Variants in SMYD1 observed in about 807,000 individuals in gnomAD.
SMYD1 encodes histone-lysine N-methyltransferase SMYD1.
SMYD1 carries 49 observed loss-of-function variants against 54.0 expected under a neutral mutation model. The observed-to-expected ratio is 0.91, with a 90% CI of 0.72 to 1.15. The LOEUF (loss-of-function observed/expected upper bound fraction) is 1.15. Ranked by LOEUF, SMYD1 falls within the 50% of genes most tolerant of loss-of-function variation. The pLI is 0.00. For synonymous variants in SMYD1, 269 were observed against 234.2 expected (o/e 1.15, Z -1.36); for missense variants, 653 against 639.6 (o/e 1.02, Z -0.23).
chr2:88,072,908 G>C (rs1673980364), intron 1 of SMYD1, among the ~76,000 whole-genome samples: 1 of 152,052 alleles, frequency 6.6e-6, no homozygotes, highest in Non-Finnish European at 1.5e-5. Flanking sequence ...CCATATATTA[G>C]TTTTTATTTT....
intron 5 of SMYD1, among the ~76,000 whole-genome samples, chr2:88,095,903 C>T (rs1378752221): frequency 3.9e-5 from 6 of 152,188 alleles, no homozygotes; most frequent in Non-Finnish European, 8.8e-5. Flanking sequence ...AATTGAGGGT[C>T]AGGTCTAGGC....
intron 6 of SMYD1, among the ~76,000 whole-genome samples, chr2:88,101,196 C>T (rs1248231209): frequency 1.3e-5 from 2 of 152,182 alleles, no homozygotes; most frequent in Non-Finnish European, 2.9e-5. Context: ...AACAAAAGCC[C>T]ATTCTCTTGT....
rs80286567 is a variant in SMYD1, at chr2:88,070,198, G to A, written c.137+2197G>A. The stretch of plus-strand genomic sequence containing the variant: ...AGCTGTGCTTTCTTTGGTTATACCA[G>A]AGACAGCCCAAAGAGGCATTAAAGG... On this transcript the variant is annotated intron_variant, in intron 1 of 9. Transcript: ENST00000419482. Among the ~76,000 whole-genome samples, 471 of 152,192 alleles carry A rather than the reference G, an allele frequency of 3.1e-3. 18 individuals carry two copies. In the East Asian group the frequency reaches 0.087, roughly 28 times the overall value.
At chr2:88,106,782 C>A (rs574310135) in intron 8 of SMYD1, among the ~76,000 whole-genome samples, 1 of 152,312 alleles carries the variant, frequency 6.6e-6, no homozygotes, top group African/African-American at 2.4e-5. Context: ...TTCAGGCTAA[C>A]CCCAGCTTGA....
chr2:88,088,902 C>T (rs1290916107), intron 3 of SMYD1, among the ~76,000 whole-genome samples: 4 of 152,150 alleles, frequency 2.6e-5, no homozygotes, highest in Admixed American at 2.6e-4. Context: ...GGCTCAGGTC[C>T]TGGCTGTGGG....
chr2:88,079,357 G>T (rs947176117), intron 1 of SMYD1, among the ~76,000 whole-genome samples: 2 of 152,168 alleles, frequency 1.3e-5, no homozygotes, highest in Admixed American at 6.5e-5. Flanking sequence ...GGCCCTATTA[G>T]AAGTGTATTA....
Position 88,111,645 on chromosome 2 carries a change from C to T in SMYD1, c.*1133C>T, listed in dbSNP as rs1675024410. On this transcript the variant is annotated 3_prime_UTR_variant, in exon 10 of 10. Transcript: ENST00000419482. ...ACATTTGAATCTGGATTCTTGTACA[C>T]CTGGGTTAGACCCTGTTCAGAGGTG... The T allele has an allele frequency of 6.3e-6, 1 of 159,880 alleles. No homozygotes were observed. Among genetic ancestry groups the T allele is most frequent in the African/African-American group, 2.4e-5 (1 of 41,686 alleles). 9.9% of individuals were successfully genotyped at this position (159,880 alleles called of 1,614,324 possible).
Position 88,084,429 on chromosome 2 carries a change from T to C in SMYD1, c.251T>C (p.Leu84Pro). 1 of 1,607,966 alleles carries C rather than the reference T, an allele frequency of 6.2e-7. No individual in the cohort carries two copies. Among genetic ancestry groups the C allele is most frequent in the Non-Finnish European group, 8.5e-7 (1 of 1,175,032 alleles). ...CGCACCTGCCAGAAGGATGCTTGGC[T>C]GAACCACAAGAATGAATGTTCGGCC... is the stretch of plus-strand genomic sequence containing the variant. ...CDRTCQKDAW[L>P]NHKNECSAIK... Residue 84 changes from leucine to proline, a missense_variant, in exon 2 of 10, where the codon CTG (leucine) becomes CCG (proline). Transcript: ENST00000419482.
intron 6 of SMYD1, among the ~76,000 whole-genome samples, chr2:88,100,953 C>T (rs1203574354): frequency 6.6e-6 from 1 of 152,110 alleles, no homozygotes; most frequent in African/African-American, 2.4e-5. Flanking sequence ...GATATGGAAA[C>T]AAGGATAGCC....
chr2:88,078,758 C>A (rs558296959), intron 1 of SMYD1, among the ~76,000 whole-genome samples: 138 of 152,322 alleles, frequency 9.1e-4, no homozygotes, highest in African/African-American at 2.9e-3. Flanking sequence ...GTTGTGTGTG[C>A]ACACTGAAGT....
chr2:88,085,475 T>C (rs1203240605), intron 2 of SMYD1, among the ~76,000 whole-genome samples: 1 of 152,214 alleles, frequency 6.6e-6, no homozygotes, highest in African/African-American at 2.4e-5. Context: ...GCATTTTCAC[T>C]GTGTGCATAG....
Position 88,110,363 on chromosome 2 carries a change from G to T in SMYD1, c.1324G>T (p.Val442Leu), listed in dbSNP as rs765023866. 36 of 1,611,946 alleles carry T rather than the reference G, an allele frequency of 2.2e-5. No individual in the cohort carries two copies. The highest frequency in any genetic ancestry group is 4.0e-5 in the African/African-American group (3 of 74,908). Residue 442 changes from valine to leucine, a missense_variant, in exon 10 of 10, where the codon GTG (valine) becomes TTG (leucine). By Grantham distance (32) the Val-to-Leu change is conservative. Coordinates refer to ENST00000419482, the MANE Select transcript of SMYD1 (RefSeq NM_198274.4). ...TATCTGTGTCCCACAGGCCATGCGG[G>T]TGCAGACGGAGATGGAGCTACGCAT... ...PITKDLEAMR[V>L]QTEMELRMFR...
At position 88,099,146 on chromosome 2, in the gene SMYD1, G is replaced by A. The variant is rs111440941; in HGVS notation, c.888+2362G>A. 2.5e-3 allele frequency among the ~76,000 whole-genome samples: 383 copies of A among 152,142 alleles called. 1 individual carries two copies. Among genetic ancestry groups the A allele is most frequent in the African/African-American group, 8.8e-3 (364 of 41,508 alleles). On this transcript the variant is annotated intron_variant, in intron 6 of 9. Coordinates refer to ENST00000419482, the MANE Select transcript of SMYD1 (RefSeq NM_198274.4). ...CTGTCACCCAGGCTGGAGTGCAGTGGTGTGATCTCAGCTCACTGCAGCCTC... is the reference window on the plus strand; with the variant it reads ...CTGTCACCCAGGCTGGAGTGCAGTGATGTGATCTCAGCTCACTGCAGCCTC...
At chr2:88,110,198 T>TGAGA (rs200741830) in intron 9 of SMYD1, among the ~76,000 whole-genome samples, 156 bp from the exon 10 acceptor site, 11 of 142,716 alleles carry the variant, frequency 7.7e-5, no homozygotes, top group South Asian at 2.4e-4. Context: ...CCTTGATGAA[T>TGAGA]GAGTGTGTGT....
intron 1 of SMYD1, among the ~76,000 whole-genome samples, chr2:88,069,427 A>T (rs1673899903): frequency 6.6e-6 from 1 of 152,186 alleles, no homozygotes; most frequent in South Asian, 2.1e-4. Flanking sequence ...TATTTCATTA[A>T]TCTGTGTGTG....
At chr2:88,069,182 T>C (rs947535258) in intron 1 of SMYD1, among the ~76,000 whole-genome samples, 1 of 152,224 alleles carries the variant, frequency 6.6e-6, no homozygotes, top group Non-Finnish European at 1.5e-5. Context: ...TGGGGTGACC[T>C]GCTTGACATC....
At chr2:88,085,883 G>A (rs554368850) in intron 2 of SMYD1, among the ~76,000 whole-genome samples, 4 of 152,304 alleles carry the variant, frequency 2.6e-5, no homozygotes, top group African/African-American at 9.6e-5. Context: ...AAAACGTTCT[G>A]GAAACAGATG....
intron 7 of SMYD1, among the ~76,000 whole-genome samples, chr2:88,104,116 G>A (rs530684983): frequency 9.4e-4 from 143 of 152,028 alleles, no homozygotes; most frequent in South Asian, 3.5e-3. Flanking sequence ...ACAGGTGCCC[G>A]CCACCACGCC....
At chr2:88,089,194 C>A (rs1394463010) in intron 3 of SMYD1, among the ~76,000 whole-genome samples, 1 of 152,180 alleles carries the variant, frequency 6.6e-6, no homozygotes, top group Non-Finnish European at 1.5e-5. Flanking sequence ...CAGGGGAGAT[C>A]AGTCTTTATT....
Sources: gnomAD v4.1 joint callset for allele counts (sites outside exome capture counted in the v4.1 genomes callset) on GRCh38, gnomAD v4.1.1 for gene constraint, MANE v1.5 for transcripts, NCBI Gene and HGNC (gene_info 2026-07-23, HGNC 2026-07-21) for gene names.